Variants in ADGB observed in about 807,000 individuals in gnomAD.
ADGB encodes androglobin.
ADGB carries 172 observed loss-of-function variants against 210.5 expected under a neutral mutation model. The observed-to-expected ratio is 0.82, with a 90% confidence interval of 0.72 to 0.93. The LOEUF is 0.93. ADGB is among the 40% of genes least tolerant of loss of function. The pLI, the probability that ADGB is intolerant of heterozygous loss-of-function variation, is 0.00. For synonymous variants in ADGB, 658 were observed against 662.7 expected, an observed-to-expected ratio of 0.99 and a Z score of 0.11; for missense variants, 2,025 against 1,964.8, an observed-to-expected ratio of 1.03 and a Z score of -0.58.
At chr6:146,614,772 A>G (rs1780766188) in intron 1 of ADGB, among the ~76,000 whole-genome samples, 1 of 152,238 alleles carries the variant, frequency 6.6e-6, no homozygotes, top group South Asian at 2.1e-4. Flanking sequence ...CAGAATGTAC[A>G]GGAAGCATGG....
chr6:146,745,854 T>C, intron 25 of ADGB, 68 bp from the exon 26 acceptor site: 3 of 1,241,786 alleles, frequency 2.4e-6, no homozygotes, highest in Non-Finnish European at 3.3e-6. Flanking sequence ...TTAGCACTAT[T>C]AGATATTGTA....
chr6:146,676,261 T>C (rs1006285941), intron 8 of ADGB, 52 bp from the exon 9 acceptor site: 38 of 1,432,874 alleles, frequency 2.7e-5, no homozygotes, highest in Non-Finnish European at 3.4e-5. Flanking sequence ...ATAAGAAATA[T>C]AGTTTGAGAT....
At chr6:146,685,623 T>C in intron 9 of ADGB, 111 bp from the exon 10 acceptor site, 1 of 510,354 alleles carries the variant, frequency 2.0e-6, no homozygotes. Flanking sequence ...TTATGTATTT[T>C]TCACCAGCCC....
At chr6:146,666,314 C>T (rs1444454408) in intron 6 of ADGB, among the ~76,000 whole-genome samples, 3 of 151,974 alleles carry the variant, frequency 2.0e-5, no homozygotes, top group Non-Finnish European at 1.5e-5. Context: ...CTGACAGATC[C>T]ACTCTTCTGT....
intron 34 of ADGB, 29 bp from the exon 35 acceptor site, chr6:146,801,799 C>G (rs775373668): frequency 5.9e-6 from 9 of 1,513,920 alleles, no homozygotes; most frequent in Non-Finnish European, 4.4e-6. Context: ...CAAATGAAAT[C>G]TGTATCTTTT....
At chr6:146,755,020 T>G (rs1777386179) in intron 27 of ADGB, among the ~76,000 whole-genome samples, 1 of 152,074 alleles carries the variant, frequency 6.6e-6, no homozygotes, top group Non-Finnish European at 1.5e-5. Flanking sequence ...CTAACTCTAA[T>G]ATGTTTAGTT....
chr6:146,814,012 T>C (rs1778343548), intron 35 of ADGB, among the ~76,000 whole-genome samples: 1 of 152,064 alleles, frequency 6.6e-6, no homozygotes, highest in Admixed American at 6.6e-5. Flanking sequence ...TTAAAATCTC[T>C]CTCTCCTGCT....
At chr6:146,792,502 G>A (rs571264801) in intron 33 of ADGB, among the ~76,000 whole-genome samples, 1 of 151,884 alleles carries the variant, frequency 6.6e-6, no homozygotes, top group African/African-American at 2.4e-5. Flanking sequence ...CTATAATCAT[G>A]ATTCATCATT....
At chr6:146,621,268 TA>T (rs1780889604) in intron 1 of ADGB, among the ~76,000 whole-genome samples, 1 of 152,046 alleles carries the variant, frequency 6.6e-6, no homozygotes, top group African/African-American at 2.4e-5. Flanking sequence ...CTGTGGCACA[TA>T]AAAGAGACTG....
intron 35 of ADGB, among the ~76,000 whole-genome samples, chr6:146,808,501 G>T (rs1368508916): frequency 6.6e-6 from 1 of 152,128 alleles, no homozygotes. Context: ...AGATGAAGTT[G>T]TTATACCCTA....
intron 3 of ADGB, among the ~76,000 whole-genome samples, chr6:146,647,583 G>C (rs1403120469): frequency 6.6e-6 from 1 of 152,058 alleles, no homozygotes; most frequent in Non-Finnish European, 1.5e-5. Context: ...ACAGAATCAA[G>C]TTATAGTTTG....
chr6:146,722,114 G>C lies in ADGB; in HGVS notation c.2095+609G>C, dbSNP rs557019490. Among the ~76,000 whole-genome samples, 3 of 152,132 alleles carry C rather than the reference G, an allele frequency of 2.0e-5. No homozygotes were observed. In the East Asian group the frequency reaches 5.8e-4, roughly 29 times the overall value. ...ATTCTTAATTATTTCAAAATCTATT[G>C]AAAAACGAACTATTTTTCTTTGATT... is the stretch of plus-strand genomic sequence containing the variant. On this transcript the variant is annotated intron_variant, in intron 17 of 35. Coordinates refer to ENST00000397944, the MANE Select transcript of ADGB (RefSeq NM_024694.4).
chr6:146,692,839 A>G lies in ADGB; in HGVS notation c.1501A>G (p.Lys501Glu), dbSNP rs1391684246. The change falls in exon 12 of 36, where the codon AAG (lysine) becomes GAG (glutamate). Residue 501 changes from lysine (K) to glutamate (E), a missense_variant. Physicochemically the swap from Lys to Glu is moderately conservative, Grantham distance 56 (BLOSUM62 1). Coordinates refer to ENST00000397944, the MANE Select transcript of ADGB (RefSeq NM_024694.4). The stretch of plus-strand genomic sequence containing the variant: ...CTACTTTTTAGAGTTAATAGTAAAG[A>G]AGCCTGAACGGTTCCTTGAGATTTC... ...TDEAQELIVK[K>E]PERFLEISSP... 6.5e-7 allele frequency: 1 copy of G among 1,527,506 alleles called. No individual in the cohort carries two copies. Among genetic ancestry groups the G allele is most frequent in the Non-Finnish European group, 8.8e-7 (1 of 1,133,764 alleles). The allele number at this position is 1,527,506 out of a possible 1,614,324, so 94.6% of individuals were successfully genotyped here.
At chr6:146,776,416 A>T (rs1383670152) in intron 29 of ADGB, among the ~76,000 whole-genome samples, 1 of 152,134 alleles carries the variant, frequency 6.6e-6, no homozygotes, top group Non-Finnish European at 1.5e-5. Context: ...GGAATTTAAA[A>T]TGAGGCATAT....
chr6:146,599,639 G>C (rs1780523452), intron 1 of ADGB, among the ~76,000 whole-genome samples: 1 of 152,134 alleles, frequency 6.6e-6, no homozygotes, highest in South Asian at 2.1e-4. Context: ...TAAATGTATA[G>C]TTCATGTTAC....
intron 13 of ADGB, among the ~76,000 whole-genome samples, chr6:146,714,441 A>C (rs780796120): frequency 1.3e-5 from 2 of 152,176 alleles, no homozygotes; most frequent in Non-Finnish European, 2.9e-5. Context: ...TGAAAGTCTC[A>C]GCACTTAGCT....
At chr6:146,614,969 C>T (rs1431882618) in intron 1 of ADGB, among the ~76,000 whole-genome samples, 2 of 152,294 alleles carry the variant, frequency 1.3e-5, no homozygotes, top group East Asian at 1.9e-4. Context: ...GGCACGATCT[C>T]GGCTCCCTGC....
intron 28 of ADGB, among the ~76,000 whole-genome samples, chr6:146,768,166 A>T (rs1016250685): frequency 6.6e-6 from 1 of 152,212 alleles, no homozygotes; most frequent in East Asian, 1.9e-4. Flanking sequence ...CAGTATAAAG[A>T]TATGTTATCC....
intron 1 of ADGB, among the ~76,000 whole-genome samples, chr6:146,628,585 T>A (rs899674832): frequency 7.2e-5 from 11 of 152,032 alleles, no homozygotes; most frequent in African/African-American, 2.7e-4. Flanking sequence ...CATTATACTA[T>A]AAGCTTGCAT....
Sources: allele counts gnomAD v4.1 joint callset (sites outside exome capture counted in the v4.1 genomes callset), GRCh38; gene constraint gnomAD v4.1.1; transcripts MANE v1.5; gene names NCBI Gene and HGNC (gene_info 2026-07-23, HGNC 2026-07-21).